SPSB1: variants seen among roughly 807,000 people sequenced by gnomAD.
The protein encoded by SPSB1 is SPRY domain-containing SOCS box protein 1.
SPSB1 carries 8 observed loss-of-function variants against 21.2 expected under a neutral mutation model. The observed-to-expected ratio is 0.38, with a 90% confidence interval of 0.22 to 0.68. The LOEUF (loss-of-function observed/expected upper bound fraction) is 0.68, where lower values mean the gene tolerates loss of function less well. SPSB1 is among the 30% of genes least tolerant of loss of function. SPSB1 has a pLI of 0.53. For missense variants in SPSB1, 242 were observed against 377.8 expected, an observed-to-expected ratio of 0.64 and a Z score of 2.98; for synonymous variants, 169 against 161.7, an observed-to-expected ratio of 1.05 and a Z score of -0.34.
Position 9,305,751 on chromosome 1 carries a change from T to C in SPSB1, c.-150+12680T>C, listed in dbSNP as rs1639400363. ...TCATTCATGCTTTTATTCAAACATT[T>C]GCTGAGCACCTACTGTATGCAGCCA... On this transcript the variant is annotated intron_variant, in intron 1 of 2. Coordinates refer to ENST00000328089, the MANE Select transcript of SPSB1 (RefSeq NM_025106.4). The surrounding 1 kb of genome is among the most constrained non-coding windows in gnomAD (Gnocchi z 4.8). Among the ~76,000 whole-genome samples, 4 of 152,188 alleles carry C rather than the reference T, an allele frequency of 2.6e-5. No individual in the cohort carries two copies. The highest frequency in any genetic ancestry group is 9.6e-5 in the African/African-American group (4 of 41,460).
intron 1 of SPSB1, among the ~76,000 whole-genome samples, chr1:9,320,925 C>T (rs1639713315): frequency 1.3e-5 from 2 of 151,718 alleles, no homozygotes; most frequent in Non-Finnish European, 2.9e-5. Flanking sequence ...AAACCCCTCC[C>T]CCTGCCAGGC....
intron 1 of SPSB1, among the ~76,000 whole-genome samples, chr1:9,310,796 G>T (rs190776340): frequency 2.0e-5 from 3 of 152,228 alleles, no homozygotes; most frequent in African/African-American, 7.2e-5. Flanking sequence ...CTGTCTGAGG[G>T]TCTTCTCATT....
chr1:9,306,937 T>TTC (rs1334003127), intron 1 of SPSB1, among the ~76,000 whole-genome samples: 2 of 151,164 alleles, frequency 1.3e-5, no homozygotes, highest in African/African-American at 2.4e-5. Context: ...CTTCTTTTTT[T>TTC]TTTTTTTTTA....
intron 1 of SPSB1, among the ~76,000 whole-genome samples, chr1:9,301,016 G>C (rs1296895331): frequency 6.6e-6 from 1 of 152,230 alleles, no homozygotes; most frequent in Non-Finnish European, 1.5e-5. Context: ...GAAGGATGGG[G>C]GTGAAGGGAA....
intron 1 of SPSB1, among the ~76,000 whole-genome samples, chr1:9,329,012 A>AG (rs1289231250): frequency 6.6e-6 from 1 of 152,204 alleles, no homozygotes; most frequent in Non-Finnish European, 1.5e-5. Flanking sequence ...CTGTCCTACT[A>AG]GGGGCGGGCC....
At chr1:9,310,098 C>T (rs928352953) in intron 1 of SPSB1, among the ~76,000 whole-genome samples, 1 of 150,814 alleles carries the variant, frequency 6.6e-6, no homozygotes, top group Non-Finnish European at 1.5e-5. Flanking sequence ...CTGCACCTGC[C>T]GTGGGAAGGC....
chr1:9,350,692 G>A (rs975797597), intron 1 of SPSB1, among the ~76,000 whole-genome samples: 3 of 152,200 alleles, frequency 2.0e-5, no homozygotes, highest in Non-Finnish European at 4.4e-5. Context: ...AGGGCAGTAC[G>A]AGCCACGCCC....
intron 1 of SPSB1, among the ~76,000 whole-genome samples, chr1:9,312,867 G>A (rs2100472911): frequency 6.6e-6 from 1 of 152,324 alleles, no homozygotes; most frequent in Admixed American, 6.5e-5. Context: ...TGGAGGTGAG[G>A]TGGCCAGAGG....
chr1:9,316,190 C>G (rs1639610073), intron 1 of SPSB1, among the ~76,000 whole-genome samples: 1 of 152,114 alleles, frequency 6.6e-6, no homozygotes, highest in Non-Finnish European at 1.5e-5. Context: ...GAGGAAGGTG[C>G]CAGGTCAGAC....
Position 9,305,479 on chromosome 1 carries a change from T to A in SPSB1, c.-150+12408T>A, listed in dbSNP as rs1166000632. ...CACGGCTGAGTCCCCAGTAGTTAGG[T>A]CCACAGTAGGTTCTTGGACACCTGT... On this transcript the variant is annotated intron_variant, in intron 1 of 2. Transcript: ENST00000328089. This position sits in a 1 kb window ranked among gnomAD's most constrained non-coding sequence, Gnocchi z 4.8. Among the ~76,000 whole-genome samples the A allele has an allele frequency of 6.6e-6, 1 of 152,106 alleles. No individual in the cohort carries two copies. Among genetic ancestry groups the A allele is most frequent in the Non-Finnish European group, 1.5e-5 (1 of 68,026 alleles).
At chr1:9,354,876 A>G (rs1640336666) in intron 1 of SPSB1, among the ~76,000 whole-genome samples, 1 of 152,128 alleles carries the variant, frequency 6.6e-6, no homozygotes, top group Non-Finnish European at 1.5e-5. Context: ...CTCTCCCCCA[A>G]CCCAGAGTCC....
At chr1:9,333,272 A>G (rs549239201) in intron 1 of SPSB1, among the ~76,000 whole-genome samples, 9 of 149,306 alleles carry the variant, frequency 6.0e-5, no homozygotes, top group African/African-American at 2.2e-4. Flanking sequence ...ATATGCATTT[A>G]TCTCCTTTTT....
rs74902769 is a variant in SPSB1 at position 9,340,302 on chromosome 1, C to G, written c.-149-15441C>G. ...GGGCCTGGGGGGGAAGGCAGGGACA[C>G]TGGTGTTTGGGGACTGGCCGGAGCC... On this transcript the variant is annotated intron_variant, in intron 1 of 2. Transcript: ENST00000328089. Among the ~76,000 whole-genome samples, 1,015 of 152,272 alleles carry G rather than the reference C, an allele frequency of 6.7e-3. 10 individuals are homozygous for G. Among genetic ancestry groups the G allele is most frequent in the African/African-American group, 0.022 (931 of 41,546 alleles).
chr1:9,323,739 G>A (rs1051115242), intron 1 of SPSB1, among the ~76,000 whole-genome samples: 3 of 152,172 alleles, frequency 2.0e-5, no homozygotes, highest in African/African-American at 7.2e-5. Flanking sequence ...CCTCAAGGTG[G>A]CTGGTCCTAC....
At chr1:9,296,712 G>C (rs991119268) in intron 1 of SPSB1, among the ~76,000 whole-genome samples, 1 of 152,144 alleles carries the variant, frequency 6.6e-6, no homozygotes, top group African/African-American at 2.4e-5. Flanking sequence ...TTTAAAGGAA[G>C]CATCACATCT....
At position 9,356,734 on chromosome 1, in the gene SPSB1, T is replaced by C; in HGVS notation, c.694+149T>C. 1 of 1,317,164 alleles carries C rather than the reference T, an allele frequency of 7.6e-7. No individual in the cohort carries two copies. The highest frequency in any genetic ancestry group is 1.0e-6 in the Non-Finnish European group (1 of 1,000,248). The allele number at this position is 1,317,164 out of a possible 1,614,324, so 81.6% of individuals were successfully genotyped here. A position where few individuals can be genotyped will look rare whatever the true frequency, so the allele number is the denominator to read the frequency against. ...CAGACCCTCAGAGGCAACTTTTGCA[T>C]CGGGTTAAGTGAGGAATTCTACCCA... On this transcript the variant is annotated intron_variant, in intron 2 of 2. Coordinates refer to ENST00000328089, the MANE Select transcript of SPSB1 (RefSeq NM_025106.4). This position sits in a 1 kb window ranked among gnomAD's most constrained non-coding sequence, Gnocchi z 7.4.
intron 1 of SPSB1, among the ~76,000 whole-genome samples, chr1:9,328,257 C>T (rs1420962755): frequency 1.3e-5 from 2 of 152,214 alleles, no homozygotes; most frequent in Non-Finnish European, 2.9e-5. Context: ...AGCCCAAAGA[C>T]ATTCGGAGGT....
intron 1 of SPSB1, among the ~76,000 whole-genome samples, chr1:9,339,595 GCTGGTGTGGCCA>G (rs1192272264): frequency 6.6e-6 from 1 of 152,194 alleles, no homozygotes; most frequent in African/African-American, 2.4e-5. Flanking sequence ...GACTAGCAGG[GCTGGTGTGGCCA>G]CTGGTGTCTA....
At chr1:9,335,283 C>T (rs1469534330) in intron 1 of SPSB1, among the ~76,000 whole-genome samples, 1 of 152,108 alleles carries the variant, frequency 6.6e-6, no homozygotes, top group African/African-American at 2.4e-5. Context: ...GGCCAGATCA[C>T]CTGAGGTCAG....
Sources: allele counts gnomAD v4.1 joint callset (sites outside exome capture counted in the v4.1 genomes callset), GRCh38; gene constraint gnomAD v4.1.1; non-coding constraint Gnocchi (gnomAD v3.1); transcripts MANE v1.5; gene names NCBI Gene and HGNC (gene_info 2026-07-23, HGNC 2026-07-21).